SENP5: variants seen among roughly 807,000 people sequenced by gnomAD.
The protein encoded by SENP5 is SUMO specific peptidase 5.
In SENP5, 21 loss-of-function variants were observed where a neutral mutation model predicts 74.2. The ratio of observed to expected loss-of-function variants is 0.28; its 90% CI spans 0.20 to 0.41. The LOEUF (loss-of-function observed/expected upper bound fraction) is 0.41, where lower values mean the gene tolerates loss of function less well. Ranked by LOEUF, SENP5 falls within the 10% of genes least tolerant of loss-of-function variation. SENP5 has a pLI of 1.00. For missense variants in SENP5, 717 were observed against 889.1 expected (o/e 0.81, Z 2.46); for synonymous variants, 311 against 312.7 (o/e 0.99, Z 0.06).
At chr3:196,909,316 C>A (rs1486275884) in intron 6 of SENP5, among the ~76,000 whole-genome samples, 1 of 152,146 alleles carries the variant, frequency 6.6e-6, no homozygotes, top group African/African-American at 2.4e-5. Context: ...GATTCACAGC[C>A]AAATTCTACC....
At position 196,886,481 on chromosome 3, in the gene SENP5, G is replaced by T; in HGVS notation, c.1300G>T (p.Val434Phe). The change falls in exon 2 of 10, where the codon GTT (valine) becomes TTT (phenylalanine). Residue 434 changes from valine to phenylalanine, a missense_variant. Val to Phe is a conservative substitution (Grantham distance 50). Around this residue, in one of 4 missense-constraint regions of SENP5, gnomAD observed 567 missense variants for 577.4 expected, o/e 0.98. Transcript: ENST00000323460. Reference protein sequence around the residue: ...SVDGPVSQKAVQNENSYQMEE... With the variant: ...SVDGPVSQKAFQNENSYQMEE... ...AGATGGGCCTGTGTCCCAAAAGGCT[G>T]TTCAAAATGAGAACTCATACCAGAT... 1 of 1,611,154 alleles carries T rather than the reference G, an allele frequency of 6.2e-7. No individual in the cohort carries two copies.
In SENP5 at chr3:196,885,784, A is replaced by G; in HGVS notation, c.603A>G (p.Gln201=). Residue 201 remains glutamine, a synonymous_variant, in exon 2 of 10, where the codon CAA becomes CAG. Transcript: ENST00000323460. ...AGGGCTTTTGTTACGGCTGCTGCCA[A>G]GGGCCGGAGCACCACAGGAATGGGG... The part of the protein sequence containing the change: ...KRKGFCYGCC[Q]GPEHHRNGGP... 4 of 1,614,270 alleles carry G rather than the reference A, an allele frequency of 2.5e-6. No homozygotes were observed. Among genetic ancestry groups the G allele is most frequent in the African/African-American group, 1.3e-5 (1 of 75,072 alleles).
At chr3:196,883,218 G>T (rs1382838705) in intron 1 of SENP5, among the ~76,000 whole-genome samples, 1 of 152,132 alleles carries the variant, frequency 6.6e-6, no homozygotes, top group East Asian at 1.9e-4. Context: ...GTTAAGTAGG[G>T]ATCTGGAGTC....
intron 5 of SENP5, among the ~76,000 whole-genome samples, chr3:196,902,359 T>C (rs967501757): frequency 3.3e-5 from 5 of 152,212 alleles, no homozygotes; most frequent in Admixed American, 2.6e-4. Flanking sequence ...GCTCTGGGCT[T>C]AGCTAAAGTA....
intron 1 of SENP5, among the ~76,000 whole-genome samples, chr3:196,868,500 G>A (rs1168061496): frequency 6.6e-6 from 1 of 152,270 alleles, no homozygotes; most frequent in East Asian, 1.9e-4. Flanking sequence ...CCCTTTTCCA[G>A]AGAGCCCGGT....
intron 1 of SENP5, among the ~76,000 whole-genome samples, chr3:196,874,351 T>C (rs1416877702): frequency 6.6e-6 from 1 of 151,612 alleles, no homozygotes; most frequent in African/African-American, 2.4e-5. Flanking sequence ...ATATCGCCTT[T>C]TTTGTTCCAC....
At position 196,934,349 on chromosome 3, in the gene SENP5, C is replaced by T. The variant is rs1351108009; in HGVS notation, c.*3426C>T. ...TACTGCTTCCCTGGGCTAGCCATAA[C>T]GGGGTTCTGGGCAGGTCAGACTCTT... On this transcript the variant is annotated 3_prime_UTR_variant, in exon 10 of 10. Transcript: ENST00000323460. The T allele has an allele frequency of 6.6e-6, 1 of 152,250 alleles. No homozygotes were observed. The allele number at this position is 152,250 out of a possible 1,614,324, so 9.4% of individuals were successfully genotyped here.
chr3:196,888,514 G>A (rs910093187), intron 2 of SENP5, among the ~76,000 whole-genome samples: 2 of 152,018 alleles, frequency 1.3e-5, no homozygotes, highest in African/African-American at 4.8e-5. Context: ...AACCTGGGAG[G>A]CGGAGGTTGC....
At chr3:196,929,539 C>A in intron 8 of SENP5, 94 bp from the exon 9 acceptor site, 1 of 740,474 alleles carries the variant, frequency 1.4e-6, no homozygotes, top group Admixed American at 2.7e-5. Flanking sequence ...AGAAAAGTTT[C>A]CTATCTTTTG....
At chr3:196,907,350 TGTA>T (rs1714943914) in intron 6 of SENP5, among the ~76,000 whole-genome samples, 1 of 151,224 alleles carries the variant, frequency 6.6e-6, no homozygotes, top group African/African-American at 2.4e-5. Flanking sequence ...GACGGATGCC[TGTA>T]GTCCCACTTA....
rs1056392647 is a variant in SENP5, at chr3:196,923,842, C to G, written c.2022+291C>G. The stretch of plus-strand genomic sequence containing the variant: ...TTGTTTTTCTTTGATCATCTTAGAG[C>G]TAAAATTGGCCTGTATCTGCAAAAT... On this transcript the variant is annotated intron_variant, in intron 7 of 9. Transcript: ENST00000323460. Among the ~76,000 whole-genome samples the G allele has an allele frequency of 3.3e-5, 5 of 152,256 alleles. No individual in the cohort carries two copies. In the South Asian group the frequency reaches 1.0e-3, roughly 32 times the overall value.
chr3:196,876,490 C>T (rs1288965887), intron 1 of SENP5, among the ~76,000 whole-genome samples: 1 of 149,354 alleles, frequency 6.7e-6, no homozygotes, highest in Non-Finnish European at 1.5e-5. Flanking sequence ...TGCACTCCAG[C>T]CTGGGCGACA....
intron 1 of SENP5, among the ~76,000 whole-genome samples, chr3:196,873,050 C>T (rs1037504950): frequency 2.6e-5 from 4 of 151,054 alleles, no homozygotes; most frequent in Admixed American, 6.6e-5. Context: ...GCTTTCCTCC[C>T]TGCAAGCTTG....
chr3:196,886,627 A>C lies in SENP5; in HGVS notation c.1446A>C (p.Val482=), dbSNP rs770086225. ...GTGGACTCAAACTAGAAAATCAAGT[A>C]GGAGGTGGAAAGAACAGTCAGAAAG... The part of the protein sequence containing the change: ...VCSGLKLENQ[V]GGGKNSQKAS... The change falls in exon 2 of 10, where the codon GTA becomes GTC. Residue 482 remains valine, a synonymous_variant. Transcript: ENST00000323460. 1.2e-6 allele frequency: 2 copies of C among 1,609,068 alleles called. No individual in the cohort carries two copies. The highest frequency in any genetic ancestry group is 1.7e-6 in the Non-Finnish European group (2 of 1,178,132).
chr3:196,888,093 C>G (rs1714051595), intron 2 of SENP5, among the ~76,000 whole-genome samples: 2 of 152,136 alleles, frequency 1.3e-5, no homozygotes, highest in Admixed American at 1.3e-4. Flanking sequence ...CTATATTTGA[C>G]TTTGAGGCTT....
At chr3:196,902,682 G>A (rs776899846) in intron 5 of SENP5, among the ~76,000 whole-genome samples, 31 of 152,150 alleles carry the variant, frequency 2.0e-4, no homozygotes, top group Non-Finnish European at 4.3e-4. Flanking sequence ...TACTGAATGA[G>A]CACTTTAAGA....
intron 1 of SENP5, among the ~76,000 whole-genome samples, chr3:196,873,862 ATAATT>A (rs1713334003): frequency 6.6e-6 from 1 of 152,054 alleles, no homozygotes; most frequent in Non-Finnish European, 1.5e-5. Context: ...AACAAAAAAC[ATAATT>A]TAATTTTAAT....
chr3:196,869,555 G>A (rs1713112386), intron 1 of SENP5, among the ~76,000 whole-genome samples: 1 of 151,368 alleles, frequency 6.6e-6, no homozygotes, highest in Admixed American at 6.6e-5. Flanking sequence ...GAGGTCGGGA[G>A]TTCGAGATCA....
chr3:196,909,521 TG>T (rs1715037669), intron 6 of SENP5, among the ~76,000 whole-genome samples: 1 of 152,220 alleles, frequency 6.6e-6, no homozygotes, highest in Non-Finnish European at 1.5e-5. Flanking sequence ...AATAAAATGC[TG>T]GCAAACCAAA....
Sources: allele counts gnomAD v4.1 joint callset (sites outside exome capture counted in the v4.1 genomes callset), GRCh38; gene constraint gnomAD v4.1.1; regional missense constraint gnomAD v4.1.1; transcripts MANE v1.5; gene names NCBI Gene and HGNC (gene_info 2026-07-23, HGNC 2026-07-21).